The following ERN2 variants were observed in gnomAD, a reference collection of about 807,000 sequenced individuals.
ERN2 encodes serine/threonine-protein kinase/endoribonuclease IRE2.
In ERN2, 111 loss-of-function variants were observed where a neutral mutation model predicts 107.9. The observed-to-expected ratio is 1.03, with a 90% CI of 0.88 to 1.20. The LOEUF (loss-of-function observed/expected upper bound fraction) is 1.20, where lower values mean the gene tolerates loss of function less well. Among genes scored for constraint, ERN2 ranks in the 50% most tolerant of loss-of-function variants. ERN2 has a pLI of 0.00. For synonymous variants in ERN2, 524 were observed against 501.7 expected (o/e 1.04, Z -0.59); for missense variants, 1,225 against 1,197.9 (o/e 1.02, Z -0.33).
At chr16:23,710,342 G>T in intron 3 of ERN2, 98 bp from the exon 4 acceptor site, 2 of 1,236,402 alleles carry the variant, frequency 1.6e-6, no homozygotes, top group Non-Finnish European at 2.4e-6. Context: ...CTAGGAGCCT[G>T]TTCTTGTAGG....
Position 23,691,963 on chromosome 16 carries a change from C to A in ERN2, c.2376G>T (p.Gln792His). The A allele has an allele frequency of 1.2e-6, 2 of 1,612,254 alleles. No individual in the cohort carries two copies. Among genetic ancestry groups the A allele is most frequent in the South Asian group, 2.2e-5 (2 of 90,900 alleles). The stretch of plus-strand genomic sequence containing the variant: ...GCCATTCCCAAGCTTTCCTTCTGAC[C>A]TGGAAGAACTGGAGTTGCTTGGCTC... ...WSRAKQLQFFQDVSDWLEKES... is the reference protein window; with the variant it reads ...WSRAKQLQFFHDVSDWLEKES... Residue 792 changes from glutamine (Q) to histidine (H), a missense_variant and splice_region_variant, in exon 19 of 22, where the codon CAG becomes CAT. Gln to His is a conservative substitution (Grantham distance 24). Coordinates refer to ENST00000256797, the MANE Select transcript of ERN2 (RefSeq NM_033266.4).
rs1201691996 is a variant in ERN2 at position 23,692,338 on chromosome 16, C to G, written c.2101-7G>C. 1 of 1,611,456 alleles carries G rather than the reference C, an allele frequency of 6.2e-7. No homozygotes were observed. Among genetic ancestry groups the G allele is most frequent in the Admixed American group, 1.7e-5 (1 of 60,010 alleles). On this transcript the variant is annotated splice_polypyrimidine_tract_variant and splice_region_variant and intron_variant, in intron 17 of 21. Coordinates refer to ENST00000256797, the MANE Select transcript of ERN2 (RefSeq NM_033266.4). ...AGATGTCCACAGCGCTGGTCTGGAGCCAGAGAGATGGGCATGAGAAGGAAA... is the reference window on the plus strand; with the variant it reads ...AGATGTCCACAGCGCTGGTCTGGAGGCAGAGAGATGGGCATGAGAAGGAAA...
At chr16:23,696,543 C>T (rs1370383871) in intron 13 of ERN2, 1 of 152,996 alleles carries the variant, frequency 6.5e-6, no homozygotes, top group Non-Finnish European at 1.5e-5. Context: ...CGGACAGAAG[C>T]AGTGGGCATT....
Position 23,710,545 on chromosome 16 carries a change from G to A in ERN2, c.204C>T (p.Pro68=), listed in dbSNP as rs138352656. The A allele has an allele frequency of 6.1e-5, 98 of 1,614,012 alleles. 1 individual carries two copies. The highest frequency in any genetic ancestry group is 3.3e-4 in the Middle Eastern group (2 of 6,084). The change falls in exon 3 of 22, where the codon CCC becomes CCT. Residue 68 remains proline, a synonymous_variant. Transcript: ENST00000256797. ...TGACGTACATTGGTCCTTCGATGACGGGATCTGCAGGGACAGGGACACAGA... is the reference window on the plus strand; with the variant it reads ...TGACGTACATTGGTCCTTCGATGACAGGATCTGCAGGGACAGGGACACAGA... The part of the protein sequence containing the change: ...GDLKWTLRDD[P]VIEGPMYVTE...
rs749956684 is a variant in ERN2, at chr16:23,690,937, TGGA to T, written c.2672_2674del (p.Leu891del). 109 of 1,613,946 alleles carry T rather than the reference TGGA, an allele frequency of 6.8e-5. No homozygotes were observed. The highest frequency in any genetic ancestry group is 8.3e-5 in the Non-Finnish European group (98 of 1,180,016). On this transcript the variant is annotated inframe_deletion, in exon 22 of 22. Transcript: ENST00000256797. ...GCAGCTCCTCATGGCTCGGTGCGTG[TGGA>T]GGAGCAGCCGTGGGAAGCGGTTTGT...
intron 1 of ERN2, chr16:23,711,944 AG>A: frequency 6.2e-6 from 2 of 321,062 alleles, no homozygotes; most frequent in Non-Finnish European, 1.4e-5. Context: ...TGCCCTTGGG[AG>A]GGGGGCTGGA....
At position 23,707,062 on chromosome 16, in the gene ERN2, G is replaced by T; in HGVS notation, c.324C>A (p.Ile108=). 6.2e-7 allele frequency: 1 copy of T among 1,614,064 alleles called. No individual in the cohort carries two copies. The highest frequency in any genetic ancestry group is 2.2e-5 in the East Asian group (1 of 44,886). The change falls in exon 5 of 22, where the codon ATC becomes ATA. Residue 108 remains isoleucine (I), a synonymous_variant. Coordinates refer to ENST00000256797, the MANE Select transcript of ERN2 (RefSeq NM_033266.4). ...AGGGAGAGGCATGAACCAGCTCAGG[G>T]ATGGTGAATGGCAGTTTCTAGGAGA... The part of the protein sequence containing the change: ...QQGLMKLPFT[I]PELVHASPCR...
intron 4 of ERN2, among the ~76,000 whole-genome samples, chr16:23,708,292 G>A (rs1001629931): frequency 6.6e-6 from 1 of 151,784 alleles, no homozygotes; most frequent in Non-Finnish European, 1.5e-5. Context: ...TTAGAGGTAG[G>A]GCCTGGTGGG....
chr16:23,713,071 T>A lies in ERN2; in HGVS notation c.93+24A>T, dbSNP rs531463534. 3.3e-6 allele frequency: 5 copies of A among 1,500,440 alleles called. No homozygotes were observed. The South Asian group carries it at 6.4e-5, about 19-fold the overall frequency. The allele number at this position is 1,500,440 out of a possible 1,614,324, so 92.9% of individuals were successfully genotyped here. On this transcript the variant is annotated intron_variant, in intron 1 of 21. Coordinates refer to ENST00000256797, the MANE Select transcript of ERN2 (RefSeq NM_033266.4). ...CGCCCCGCGACCAGACTTTGGGGAC[T>A]TGGCGTCGGTCCCTGGCTCTCACCT... is the stretch of plus-strand genomic sequence containing the variant.
At position 23,691,431 on chromosome 16, in the gene ERN2, G is replaced by A. The variant is rs778360605; in HGVS notation, c.2377-6C>T. On this transcript the variant is annotated splice_polypyrimidine_tract_variant and splice_region_variant and intron_variant, in intron 19 of 21. Transcript: ENST00000256797. ...TCCAGCCAGTCACTGACGTCCTGGG[G>A]CCCAGAGAGCTCCTGAGCCTTGTGA... The A allele has an allele frequency of 3.8e-5, 60 of 1,597,918 alleles. No homozygotes were observed. The highest frequency in any genetic ancestry group is 4.6e-5 in the Non-Finnish European group (54 of 1,179,294).
Position 23,702,509 on chromosome 16 carries a change from T to C in ERN2, c.962A>G (p.Asp321Gly), listed in dbSNP as rs767538841. Residue 321 changes from aspartate to glycine, a missense_variant, in exon 10 of 22, where the codon GAT becomes GGT. By Grantham distance (94) the Asp-to-Gly change is moderately conservative. Coordinates refer to ENST00000256797, the MANE Select transcript of ERN2 (RefSeq NM_033266.4). ...TGTCACCTCATCTGTGGTGGGGCCA[T>C]CTGCGGGGGCCAGGGTCAGTCCACG... is the stretch of plus-strand genomic sequence containing the variant. ...VPRGLTLAPA[D>G]GPTTDEVTLQ... 31 of 1,613,866 alleles carry C rather than the reference T, an allele frequency of 1.9e-5. No individual in the cohort carries two copies. Among genetic ancestry groups the C allele is most frequent in the Admixed American group, 5.0e-5 (3 of 60,000 alleles).
rs764170864 is a variant in ERN2, at chr16:23,694,498, A to G, written c.2100+230T>C. Among the ~76,000 whole-genome samples the G allele has an allele frequency of 2.6e-5, 4 of 152,222 alleles. No individual in the cohort carries two copies. The East Asian group carries it at 7.7e-4, about 29-fold the overall frequency. ...CCCTCCCTCCCAAGTCATGGCAGTC[A>G]AAAATGTCTCCAGACATTGCCTAAT... On this transcript the variant is annotated intron_variant, in intron 17 of 21. Coordinates refer to ENST00000256797, the MANE Select transcript of ERN2 (RefSeq NM_033266.4).
rs1190684585 is a variant in ERN2, at chr16:23,713,113, G to A, written c.75C>T (p.Leu25=). 5.1e-6 allele frequency: 8 copies of A among 1,576,788 alleles called. No homozygotes were observed. The highest frequency in any genetic ancestry group is 1.7e-4 in the Middle Eastern group (1 of 5,730). ...GLQLQFAALL[L]GTLSPQVHTL... ...CTCTCACCTGTGGACTCAGCGTCCC[G>A]AGCAGCAGCGCCGCGAACTGGAGCT... is the stretch of plus-strand genomic sequence containing the variant. The change falls in exon 1 of 22, where the codon CTC becomes CTT. Residue 25 remains leucine (L), a synonymous_variant. Transcript: ENST00000256797.
At position 23,700,689 on chromosome 16, in the gene ERN2, C is replaced by A; in HGVS notation, c.1375G>T (p.Val459Leu). 5.0e-6 allele frequency: 8 copies of A among 1,612,774 alleles called. No individual in the cohort carries two copies. The highest frequency in any genetic ancestry group is 6.8e-6 in the Non-Finnish European group (8 of 1,179,348). Residue 459 changes from valine (V) to leucine (L), a missense_variant, in exon 13 of 22, where the codon GTG (valine) becomes TTG (leucine). Coordinates refer to ENST00000256797, the MANE Select transcript of ERN2 (RefSeq NM_033266.4). ...AGGGGGGTCTCCTGCTGCTTCTCCA[C>A]CACCTGCGGCTGTTGCTGTAACATG... ...FVMRQQQPQVVEKQQETPLAP... is the reference protein window; with the variant it reads ...FVMRQQQPQVLEKQQETPLAP...
intron 3 of ERN2, 94 bp from the exon 4 acceptor site, chr16:23,710,338 GC>G (rs1307107974): frequency 2.4e-5 from 30 of 1,249,058 alleles, no homozygotes; most frequent in African/African-American, 3.0e-5. Flanking sequence ...GCTACTAGGA[GC>G]CTGTTCTTGT....
chr16:23,698,048 G>C (rs1959901203), intron 13 of ERN2, among the ~76,000 whole-genome samples: 1 of 152,200 alleles, frequency 6.6e-6, no homozygotes. Context: ...TCGTGTCAGG[G>C]AGAAAGGGCA....
At chr16:23,707,125 C>G (rs755831601) in intron 4 of ERN2, 46 bp from the exon 5 acceptor site, 1 of 1,350,868 alleles carries the variant, frequency 7.4e-7, no homozygotes, top group South Asian at 1.2e-5. Context: ...CAGCAACACA[C>G]AGTGCTCACT....
intron 17 of ERN2, among the ~76,000 whole-genome samples, chr16:23,692,600 G>GT (rs1959644223): frequency 6.6e-6 from 1 of 152,332 alleles, no homozygotes; most frequent in Admixed American, 6.5e-5. Context: ...ACATAAGTGG[G>GT]TGCCATACAT....
chr16:23,694,156 G>A (rs913467078), intron 17 of ERN2, among the ~76,000 whole-genome samples: 1 of 152,046 alleles, frequency 6.6e-6, no homozygotes, highest in Non-Finnish European at 1.5e-5. Flanking sequence ...CACCCACACC[G>A]GCTAAATTGT....
Sources: allele counts gnomAD v4.1 joint callset (sites outside exome capture counted in the v4.1 genomes callset), GRCh38; gene constraint gnomAD v4.1.1; transcripts MANE v1.5; gene names NCBI Gene and HGNC (gene_info 2026-07-23, HGNC 2026-07-21).